HPSE2: variants seen among roughly 807,000 people sequenced by gnomAD.
The protein encoded by HPSE2 is inactive heparanase-2.
In HPSE2, 38 loss-of-function variants were observed where a neutral mutation model predicts 60.5. The observed-to-expected ratio is 0.63, with a 90% CI of 0.48 to 0.82. The LOEUF (loss-of-function observed/expected upper bound fraction) is 0.82. Among genes scored for constraint, HPSE2 ranks in the 40% least tolerant of loss-of-function variants. HPSE2 has a pLI of 0.00. For synonymous variants in HPSE2, 295 were observed against 293.2 expected, an observed-to-expected ratio of 1.01 and a Z score of -0.06; for missense variants, 713 against 740.4, an observed-to-expected ratio of 0.96 and a Z score of 0.43.
At chr10:98,816,256 G>GT (rs1157945940) in intron 3 of HPSE2, among the ~76,000 whole-genome samples, 1 of 151,874 alleles carries the variant, frequency 6.6e-6, no homozygotes, top group Non-Finnish European at 1.5e-5. Flanking sequence ...GTTTTTGTTT[G>GT]TTTTTTGTTT....
At chr10:99,206,506 C>T (rs1024031133) in intron 2 of HPSE2, among the ~76,000 whole-genome samples, 6 of 150,138 alleles carry the variant, frequency 4.0e-5, no homozygotes, top group African/African-American at 1.5e-4. Flanking sequence ...GTAGCAGGAT[C>T]GCTTGAGCCC....
At chr10:98,550,244 T>C (rs1335528803) in intron 9 of HPSE2, among the ~76,000 whole-genome samples, 1 of 152,062 alleles carries the variant, frequency 6.6e-6, no homozygotes, top group Non-Finnish European at 1.5e-5. Context: ...TTAGCTTGAA[T>C]GTCCCTTTCT....
At chr10:98,942,476 A>G (rs1371428412) in intron 3 of HPSE2, among the ~76,000 whole-genome samples, 1 of 151,432 alleles carries the variant, frequency 6.6e-6, no homozygotes, top group Non-Finnish European at 1.5e-5. Flanking sequence ...AAACACATGA[A>G]AAAATGCTCA....
chr10:99,235,746 G>C lies in HPSE2; in HGVS notation c.57C>G (p.Pro19=), dbSNP rs753315804. ...EAMPSSNSRP[P]ACLAPGALYL... ...AGAGAGCCCCCGGGGCTAGGCACGC[G>C]GGGGGGCGGGAGTTGCTGGAGGGCA... Residue 19 remains proline (P), a synonymous_variant, in exon 1 of 12, where the codon CCC becomes CCG. Transcript: ENST00000370552. 4 of 1,613,288 alleles carry C rather than the reference G, an allele frequency of 2.5e-6. No homozygotes were observed. The highest frequency in any genetic ancestry group is 1.3e-5 in the African/African-American group (1 of 74,912).
intron 11 of HPSE2, among the ~76,000 whole-genome samples, chr10:98,476,558 G>A (rs553990237): frequency 1.2e-4 from 19 of 152,192 alleles, no homozygotes; most frequent in African/African-American, 3.4e-4. Flanking sequence ...GGGAGGCTGC[G>A]GCAGGTGGAT....
chr10:99,118,674 A>T (rs1003318753), intron 3 of HPSE2, among the ~76,000 whole-genome samples: 1 of 152,104 alleles, frequency 6.6e-6, no homozygotes, highest in African/African-American at 2.4e-5. Flanking sequence ...ACTCCATTCA[A>T]TATAGTATTG....
intron 7 of HPSE2, among the ~76,000 whole-genome samples, chr10:98,640,818 A>C (rs1262169247): frequency 6.6e-6 from 1 of 152,202 alleles, no homozygotes; most frequent in African/African-American, 2.4e-5. Context: ...AGAATTAACT[A>C]ATCCAGTAGT....
At chr10:99,071,049 T>A (rs563894041) in intron 3 of HPSE2, among the ~76,000 whole-genome samples, 2 of 151,774 alleles carry the variant, frequency 1.3e-5, no homozygotes, top group African/African-American at 4.8e-5. Context: ...CTAGATAATA[T>A]GGTATTTCTA....
At chr10:99,150,768 G>T (rs1024689219) in intron 2 of HPSE2, among the ~76,000 whole-genome samples, 2 of 152,142 alleles carry the variant, frequency 1.3e-5, no homozygotes, top group African/African-American at 4.8e-5. Flanking sequence ...CACATAACTG[G>T]CTAATGGGGA....
intron 9 of HPSE2, among the ~76,000 whole-genome samples, chr10:98,494,744 A>C (rs1199272915): frequency 2.0e-5 from 3 of 152,210 alleles, no homozygotes; most frequent in Non-Finnish European, 2.9e-5. Flanking sequence ...ATAAACTGAT[A>C]ATTCTTTTAA....
At chr10:99,303,900 G>A in the HPSE2 span, among the ~76,000 whole-genome samples, 12 of 152,114 alleles carry the variant, frequency 7.9e-5, no homozygotes, top group South Asian at 1.2e-3. Context: ...GATTACAACC[G>A]TTCCAGGTAA....
At chr10:99,241,037 C>A in the HPSE2 span, among the ~76,000 whole-genome samples, 1 of 152,044 alleles carries the variant, frequency 6.6e-6, no homozygotes, top group Non-Finnish European at 1.5e-5. Flanking sequence ...TCAAAAAAAC[C>A]CTAAGAAGAG....
intron 3 of HPSE2, among the ~76,000 whole-genome samples, chr10:98,958,149 C>T (rs894970540): frequency 1.4e-4 from 21 of 152,102 alleles, no homozygotes; most frequent in African/African-American, 4.6e-4. Flanking sequence ...CCCTATAAGG[C>T]TAGTGTCTCA....
At chr10:98,875,960 A>T (rs1353675455) in intron 3 of HPSE2, among the ~76,000 whole-genome samples, 2 of 151,904 alleles carry the variant, frequency 1.3e-5, no homozygotes, top group Admixed American at 6.6e-5. Flanking sequence ...AGCTTGAATT[A>T]AAAAAATACA....
chr10:98,481,461 C>A (rs1269193728), intron 11 of HPSE2, among the ~76,000 whole-genome samples: 1 of 152,168 alleles, frequency 6.6e-6, no homozygotes, highest in African/African-American at 2.4e-5. Flanking sequence ...TCATGAACTA[C>A]TCAGAAGTGA....
chr10:99,310,705 C>A, the HPSE2 span, among the ~76,000 whole-genome samples: 1 of 152,150 alleles, frequency 6.6e-6, no homozygotes, highest in Non-Finnish European at 1.5e-5. Context: ...CGACTCACTG[C>A]AACCTCTGCC....
At chr10:98,792,471 C>T (rs1277521762) in intron 3 of HPSE2, among the ~76,000 whole-genome samples, 1 of 152,080 alleles carries the variant, frequency 6.6e-6, no homozygotes, top group Non-Finnish European at 1.5e-5. Context: ...ACACTTCAAA[C>T]CTGCTTTGTG....
At chr10:99,188,761 G>A (rs957295219) in intron 2 of HPSE2, among the ~76,000 whole-genome samples, 2 of 152,190 alleles carry the variant, frequency 1.3e-5, no homozygotes, top group African/African-American at 4.8e-5. Context: ...TTTTGGACAA[G>A]TGAAATAATT....
At chr10:99,077,930 C>T (rs908911917) in intron 3 of HPSE2, among the ~76,000 whole-genome samples, 32 of 152,198 alleles carry the variant, frequency 2.1e-4, no homozygotes, top group Admixed American at 6.5e-4. Context: ...TCACGAGTGG[C>T]TTCATGCCCT....
Sources: allele counts gnomAD v4.1 joint callset (sites outside exome capture counted in the v4.1 genomes callset), GRCh38; gene constraint gnomAD v4.1.1; transcripts MANE v1.5; gene names NCBI Gene and HGNC (gene_info 2026-07-23, HGNC 2026-07-21).